WASHC3: variants seen among roughly 807,000 people sequenced by gnomAD.
The protein encoded by WASHC3 is WASH complex subunit CCDC53.
In WASHC3, 24 loss-of-function variants were observed where a neutral mutation model predicts 26.1. The observed-to-expected ratio is 0.92, with a 90% confidence interval of 0.66 to 1.29. The LOEUF is 1.29. WASHC3 is among the 50% of genes most tolerant of loss of function. The pLI, the probability that WASHC3 is intolerant of heterozygous loss-of-function variation, is 0.00. For synonymous variants in WASHC3, 77 were observed against 75.7 expected, an observed-to-expected ratio of 1.02 and a Z score of -0.09; for missense variants, 214 against 229.6, an observed-to-expected ratio of 0.93 and a Z score of 0.44.
intron 2 of WASHC3, among the ~76,000 whole-genome samples, chr12:102,053,927 A>G (rs1878492712): frequency 6.6e-6 from 1 of 152,230 alleles, no homozygotes; most frequent in South Asian, 2.1e-4. Context: ...ATAAAAAGAT[A>G]TACGTTGCAA....
chr12:102,025,307 T>C (rs1222627448), intron 6 of WASHC3, among the ~76,000 whole-genome samples: 4 of 152,122 alleles, frequency 2.6e-5, no homozygotes, highest in East Asian at 3.8e-4. Flanking sequence ...TTATCCAAGA[T>C]GAACTATACA....
In WASHC3 at chr12:102,034,344, A is replaced by C. The variant is rs1877562451; in HGVS notation, c.435+5524T>G. 3.3e-5 allele frequency among the ~76,000 whole-genome samples: 5 copies of C among 152,218 alleles called. No homozygotes were observed. In the South Asian group the frequency reaches 1.0e-3, roughly 32 times the overall value. On this transcript the variant is annotated intron_variant, in intron 5 of 6. Coordinates refer to ENST00000240079, the MANE Select transcript of WASHC3 (RefSeq NM_016053.4). ...AGAAAATGAATGGTTCAATGGTACA[A>C]ATTATAATAGGTCTCTCGTGATTGT...
intron 5 of WASHC3, among the ~76,000 whole-genome samples, chr12:102,030,738 T>C (rs1877399380): frequency 6.6e-6 from 1 of 152,166 alleles, no homozygotes; most frequent in Non-Finnish European, 1.5e-5. Context: ...GAAGAATAAA[T>C]AGATGAGAAT....
intron 2 of WASHC3, among the ~76,000 whole-genome samples, chr12:102,056,726 G>C (rs577309903): frequency 3.3e-5 from 5 of 152,064 alleles, no homozygotes; most frequent in Non-Finnish European, 7.4e-5. Flanking sequence ...TAAAGAAATA[G>C]GTAATCTGAA....
intron 5 of WASHC3, among the ~76,000 whole-genome samples, chr12:102,037,615 T>C (rs955383619): frequency 6.6e-6 from 1 of 152,060 alleles, no homozygotes; most frequent in Non-Finnish European, 1.5e-5. Flanking sequence ...AGGAGGCCAG[T>C]AGAGCTGGAG....
At chr12:102,021,547 A>G (rs1026116943) in intron 6 of WASHC3, among the ~76,000 whole-genome samples, 1 of 152,142 alleles carries the variant, frequency 6.6e-6, no homozygotes, top group African/African-American at 2.4e-5. Context: ...CAATTTTTTG[A>G]TATGGTTTTT....
At position 102,044,133 on chromosome 12, in the gene WASHC3, T is replaced by A; in HGVS notation, c.296A>T (p.His99Leu). The change falls in exon 4 of 7, where the codon CAT becomes CTT. Residue 99 changes from histidine to leucine, a missense_variant. Transcript: ENST00000240079. ...LNVTSVTNGA[H>L]PEATSEQPQQ... is the part of the protein sequence containing the mutation. ...TGGTTGCTCTGAAGTGGCTTCAGGA[T>A]GTGCTCCATTTGTGACACTGGTGAC... 3 of 1,607,930 alleles carry A rather than the reference T, an allele frequency of 1.9e-6. No individual in the cohort carries two copies. The highest frequency in any genetic ancestry group is 2.6e-6 in the Non-Finnish European group (3 of 1,176,406).
chr12:102,034,243 C>T (rs1877556900), intron 5 of WASHC3, among the ~76,000 whole-genome samples: 1 of 152,018 alleles, frequency 6.6e-6, no homozygotes, highest in Non-Finnish European at 1.5e-5. Flanking sequence ...AAGACAAACA[C>T]AGAAAATAGG....
chr12:102,025,780 G>T, intron 6 of WASHC3, 194 bp downstream of exon 6: 12 of 462,626 alleles, frequency 2.6e-5, no homozygotes, highest in East Asian at 1.2e-4. Flanking sequence ...TTCCTAAAAT[G>T]TGTAAAGGCT....
intron 5 of WASHC3, among the ~76,000 whole-genome samples, chr12:102,032,550 C>T (rs543042153): frequency 6.6e-6 from 1 of 152,150 alleles, no homozygotes; most frequent in East Asian, 1.9e-4. Flanking sequence ...TGGAACACAA[C>T]AGTATTACTC....
At chr12:102,023,170 T>C (rs17032231) in intron 6 of WASHC3, among the ~76,000 whole-genome samples, 5,960 of 152,264 alleles carry the variant, frequency 0.039, 164 homozygotes, top group African/African-American at 0.071. Context: ...TCTAGGAAAA[T>C]TGCCAGGATC....
At chr12:102,060,606 G>A (rs1878763813) in intron 2 of WASHC3, among the ~76,000 whole-genome samples, 1 of 152,140 alleles carries the variant, frequency 6.6e-6, no homozygotes, top group Non-Finnish European at 1.5e-5. Flanking sequence ...TAAACAATGT[G>A]GTTTTGGGGT....
intron 5 of WASHC3, among the ~76,000 whole-genome samples, chr12:102,039,280 CTGTT>C (rs942610539): frequency 6.6e-6 from 1 of 151,728 alleles, no homozygotes; most frequent in Non-Finnish European, 1.5e-5. Flanking sequence ...CAGGCTTTAA[CTGTT>C]TGATTAACAG....
chr12:102,043,076 A>C (rs565413511), intron 4 of WASHC3, among the ~76,000 whole-genome samples: 1 of 152,298 alleles, frequency 6.6e-6, no homozygotes, highest in African/African-American at 2.4e-5. Context: ...TTCTAAGATC[A>C]GTAGCTCTCA....
intron 4 of WASHC3, 44 bp from the exon 5 acceptor site, chr12:102,040,022 G>C: frequency 1.1e-6 from 1 of 890,946 alleles, no homozygotes; most frequent in Non-Finnish European, 1.8e-6. Context: ...ATTTACAAAA[G>C]GGGTCTATCA....
In WASHC3 at chr12:102,046,098, G is replaced by A. The variant is rs774556047; in HGVS notation, c.172C>T (p.Arg58Cys). ...CEEKLADLSL[R>C]IQQIETTLNI... ...AGAGTTGTTTCAATTTGTTGGATACGAAGTGAAAGGTCTGCCAGTTTCTGT... is the reference window on the plus strand; with the variant it reads ...AGAGTTGTTTCAATTTGTTGGATACAAAGTGAAAGGTCTGCCAGTTTCTGT... Residue 58 changes from arginine (R) to cysteine (C), a missense_variant, in exon 3 of 7, where the codon CGT becomes TGT. Arg to Cys is a radical substitution (Grantham distance 180). Transcript: ENST00000240079. The A allele has an allele frequency of 9.4e-6, 15 of 1,595,366 alleles. No individual in the cohort carries two copies. Among genetic ancestry groups the A allele is most frequent in the South Asian group, 6.8e-5 (6 of 88,478 alleles).
In WASHC3 at chr12:102,033,121, C is replaced by T. The variant is rs570102381; in HGVS notation, c.435+6747G>A. Among the ~76,000 whole-genome samples the T allele has an allele frequency of 1.2e-4, 18 of 151,578 alleles. No individual in the cohort carries two copies. The South Asian group carries it at 3.5e-3, about 30-fold the overall frequency. The stretch of plus-strand genomic sequence containing the variant: ...AAGGCACATATAAAAGCAAGGCATT[C>T]CAGGCGATAGTTAGTACCCAGGAAG... On this transcript the variant is annotated intron_variant, in intron 5 of 6. Transcript: ENST00000240079.
At chr12:102,027,685 T>G (rs1352168139) in intron 5 of WASHC3, among the ~76,000 whole-genome samples, 1 of 152,040 alleles carries the variant, frequency 6.6e-6, no homozygotes, top group African/African-American at 2.4e-5. Flanking sequence ...AATACCCACA[T>G]CCCCTTTCAC....
At chr12:102,029,042 C>T (rs1322115677) in intron 5 of WASHC3, among the ~76,000 whole-genome samples, 8 of 152,140 alleles carry the variant, frequency 5.3e-5, no homozygotes, top group African/African-American at 1.4e-4. Context: ...TACCTTAATA[C>T]GAATCTCATA....
Sources: allele counts gnomAD v4.1 joint callset (sites outside exome capture counted in the v4.1 genomes callset), GRCh38; gene constraint gnomAD v4.1.1; transcripts MANE v1.5; gene names NCBI Gene and HGNC (gene_info 2026-07-23, HGNC 2026-07-21).